ZNF185: variants seen among roughly 807,000 people sequenced by gnomAD.
ZNF185 encodes zinc finger protein 185.
Under a neutral mutation model 58.6 loss-of-function variants are expected in ZNF185, and 56 were observed. That is an observed-to-expected ratio of 0.95 (90% CI 0.77 to 1.19). ZNF185 has a LOEUF of 1.19. Among genes scored for constraint, ZNF185 ranks in the 50% most tolerant of loss-of-function variants. ZNF185 has a pLI of 0.00. For missense variants in ZNF185, 627 were observed against 573.5 expected, an observed-to-expected ratio of 1.09 and a Z score of -0.95; for synonymous variants, 230 against 215.9, an observed-to-expected ratio of 1.07 and a Z score of -0.57.
chrX:152,903,332 T>C, the ZNF185 span, among the ~76,000 whole-genome samples: 2 of 87,789 alleles, frequency 2.3e-5, no homozygotes, highest in Admixed American at 3.3e-4. Context: ...GAGGTTGCAG[T>C]GAGCCAAGAC....
At chrX:152,957,729 C>G (rs782796737) in intron 16 of ZNF185, among the ~76,000 whole-genome samples, 18 of 112,310 alleles carry the variant, frequency 1.6e-4, no homozygotes, top group Non-Finnish European at 2.4e-4. Flanking sequence ...TATGGGGGCC[C>G]AAGCCCATGT....
chrX:152,960,058 G>T, intron 17 of ZNF185, 162 bp downstream of exon 19: 1 of 466,576 alleles, frequency 2.1e-6, no homozygotes, highest in East Asian at 3.8e-5. Flanking sequence ...CATCTCAGGG[G>T]TAGATATTCA....
chrX:152,922,937 G>A (rs188835689), intron 11 of ZNF185, 128 bp downstream of exon 12: 232 of 540,668 alleles, frequency 4.3e-4, no homozygotes, highest in Non-Finnish European at 6.0e-4. Flanking sequence ...GCTGAGCACT[G>A]GTGATCTCAC....
At chrX:152,909,902 CTCTT>C (rs1936898973), upstream of ZNF185, among the ~76,000 whole-genome samples, 1 of 103,212 alleles carries the variant, frequency 9.7e-6, no homozygotes, top group South Asian at 4.2e-4. Flanking sequence ...CTGGCATCAA[CTCTT>C]TTTTTTTTTT....
chrX:152,914,885 GTGGGGGACCGACCATACC>G, intron 2 of ZNF185, 52 bp downstream of exon 3: 1 of 1,147,557 alleles, frequency 8.7e-7, no homozygotes, highest in African/African-American at 1.8e-5. Context: ...CGCGCAATCC[GTGGGGGACCGACCATACC>G]TGGGGATGCG....
chrX:152,944,733 A>G (rs1243995510), intron 15 of ZNF185, among the ~76,000 whole-genome samples: 1 of 112,563 alleles, frequency 8.9e-6, no homozygotes, highest in Non-Finnish European at 1.9e-5. Context: ...GTGCAATGGC[A>G]CATGCCTGTA....
rs781946613 is a variant in ZNF185, at chrX:152,941,626, A to G, written c.1211+3463A>G. On this transcript the variant is annotated intron_variant, in intron 15 of 22. Transcript: ENST00000449285. ...CGGCGAGCACGCGCCCGTAGTGAGT[A>G]CGCCTGCGTAGGCCGCCATTTCTTG... 4,441 of 1,138,317 alleles carry G rather than the reference A, an allele frequency of 3.9e-3. 7 individuals are homozygous for G. Among genetic ancestry groups the G allele is most frequent in the Non-Finnish European group, 4.7e-3 (3,993 of 856,617 alleles). The allele number at this position is 1,138,317 out of a possible 1,213,427, so 93.8% of individuals were successfully genotyped here.
intron 18 of ZNF185, 33 bp from the exon 21 acceptor site, chrX:152,965,414 G>A (rs782653222): frequency 2.6e-6 from 3 of 1,145,471 alleles, no homozygotes; most frequent in East Asian, 3.2e-5. Context: ...ATCTTCTGGT[G>A]TACCTCTGAT....
chrX:152,906,692 G>A, the ZNF185 span, among the ~76,000 whole-genome samples: 1 of 112,038 alleles, frequency 8.9e-6, no homozygotes, highest in African/African-American at 3.2e-5. Context: ...GTTGGCACAC[G>A]TGGGGTGGCA....
At position 152,959,906 on chromosome X, in the gene ZNF185, A is replaced by G; in HGVS notation, c.1607+10A>G. On this transcript the variant is annotated intron_variant, in intron 17 of 22. Coordinates refer to ENST00000449285, the Ensembl canonical transcript of ZNF185. Reference sequence around the variant, plus strand: ...AGAGCTGCACCAGCAGGTACGAGCCAAACTGCACTGGGACCTTACCTGCTA... The same window carrying G: ...AGAGCTGCACCAGCAGGTACGAGCCGAACTGCACTGGGACCTTACCTGCTA... 1 of 1,204,733 alleles carries G rather than the reference A, an allele frequency of 8.3e-7. No homozygotes were observed. The highest frequency in any genetic ancestry group is 1.8e-5 in the South Asian group (1 of 55,857).
chrX:152,969,281 C>A, intron 20 of ZNF185, 101 bp from the exon 23 acceptor site: 1 of 670,131 alleles, frequency 1.5e-6, no homozygotes. Flanking sequence ...ATCCTGACAG[C>A]AAACCTGGGC....
chrX:152,921,351 A>T (rs567707211), intron 9 of ZNF185, among the ~76,000 whole-genome samples: 1 of 111,404 alleles, frequency 9.0e-6, no homozygotes, highest in Middle Eastern at 4.6e-3. Context: ...CTCTGTGCTG[A>T]GGTGGCTAGC....
chrX:152,969,171 T>C (rs782684352), intron 20 of ZNF185, among the ~76,000 whole-genome samples: 3 of 111,836 alleles, frequency 2.7e-5, no homozygotes, highest in Non-Finnish European at 5.6e-5. Flanking sequence ...AAAAGATGCA[T>C]GACTAGTTTT....
the ZNF185 span, among the ~76,000 whole-genome samples, chrX:152,908,220 G>A: frequency 4.4e-5 from 5 of 112,563 alleles, no homozygotes; most frequent in Non-Finnish European, 9.4e-5. Flanking sequence ...GCCTCTCTGG[G>A]TGTCAGGGCT....
At chrX:152,928,734 A>C in intron 12 of ZNF185, 73 bp downstream of exon 13, 1 of 1,060,246 alleles carries the variant, frequency 9.4e-7, no homozygotes, top group East Asian at 3.1e-5. Flanking sequence ...CTCAGGTGGC[A>C]AATGATGAGG....
chrX:152,916,611 G>C (rs1238451857), intron 3 of ZNF185, among the ~76,000 whole-genome samples: 1 of 112,262 alleles, frequency 8.9e-6, no homozygotes, highest in Admixed American at 9.4e-5. Context: ...GGACAGGAAG[G>C]GGGACAGCTG....
chrX:152,967,306 G>T, intron 20 of ZNF185, 68 bp downstream of exon 22: 1 of 1,069,502 alleles, frequency 9.4e-7, no homozygotes, highest in East Asian at 3.0e-5. Context: ...GAGAGTTCCT[G>T]CTGAGTCTGT....
At chrX:152,955,296 A>T (rs1949526242) in intron 16 of ZNF185, among the ~76,000 whole-genome samples, 1 of 111,852 alleles carries the variant, frequency 8.9e-6, no homozygotes, top group Non-Finnish European at 1.9e-5. Context: ...ATTGACAAAA[A>T]CCTTAGTTAT....
At chrX:152,945,768 G>A (rs2047725056) in intron 16 of ZNF185, among the ~76,000 whole-genome samples, 2 of 111,918 alleles carry the variant, frequency 1.8e-5, no homozygotes, top group Admixed American at 1.9e-4. Flanking sequence ...CAGAGTACAG[G>A]TGCTCTACAG....
Sources: gnomAD v4.1 joint callset for allele counts (sites outside exome capture counted in the v4.1 genomes callset) on GRCh38, gnomAD v4.1.1 for gene constraint, MANE v1.5 for transcripts, NCBI Gene and HGNC (gene_info 2026-07-23, HGNC 2026-07-21) for gene names.